Variants in PARD3 observed in about 807,000 individuals in gnomAD.
PARD3 encodes the protein par-3 family cell polarity regulator.
A neutral mutation model predicts 155.4 loss-of-function variants in PARD3; 75 were observed. That is an observed-to-expected ratio of 0.48 (90% CI 0.40 to 0.58). The LOEUF is 0.58. PARD3 is among the 20% of genes least tolerant of loss of function. The pLI, the probability that PARD3 is intolerant of heterozygous loss-of-function variation, is 0.00. For missense variants in PARD3, 1,642 were observed against 1,721.7 expected (o/e 0.95, Z 0.82); for synonymous variants, 576 against 610.5 (o/e 0.94, Z 0.83).
At chr10:34,764,792 C>A (rs1385819545) in intron 1 of PARD3, among the ~76,000 whole-genome samples, 2 of 152,184 alleles carry the variant, frequency 1.3e-5, no homozygotes, top group Non-Finnish European at 2.9e-5. Flanking sequence ...CAAGTTGGCT[C>A]TGAACCACCT....
intron 19 of PARD3, among the ~76,000 whole-genome samples, chr10:34,319,212 C>G (rs1054435476): frequency 5.3e-5 from 8 of 151,860 alleles, no homozygotes; most frequent in African/African-American, 1.7e-4. Context: ...CCTCAGCCCC[C>G]CAAGTAGCTG....
At chr10:34,343,232 CA>C (rs1837026458) in intron 15 of PARD3, 1 of 695,896 alleles carries the variant, frequency 1.4e-6, no homozygotes, top group East Asian at 1.3e-4. Context: ...TATTAAATAC[CA>C]AATACTCACA....
At chr10:34,366,713 A>G (rs948966512) in intron 12 of PARD3, among the ~76,000 whole-genome samples, 1 of 152,164 alleles carries the variant, frequency 6.6e-6, no homozygotes, top group Non-Finnish European at 1.5e-5. Context: ...ACTAAGAGAA[A>G]GATTTTTTAA....
At chr10:34,738,062 C>T (rs2094947245) in intron 1 of PARD3, among the ~76,000 whole-genome samples, 1 of 152,318 alleles carries the variant, frequency 6.6e-6, no homozygotes, top group Admixed American at 6.5e-5. Flanking sequence ...TTACTACAGG[C>T]AATACCCTCG....
chr10:34,525,053 C>G (rs2082384020), intron 2 of PARD3, among the ~76,000 whole-genome samples: 1 of 152,200 alleles, frequency 6.6e-6, no homozygotes, highest in African/African-American at 2.4e-5. Flanking sequence ...CTGAGCCTTA[C>G]TTGCTAGCAT....
intron 3 of PARD3, among the ~76,000 whole-genome samples, chr10:34,488,096 C>T (rs1260363224): frequency 6.6e-6 from 1 of 152,042 alleles, no homozygotes; most frequent in African/African-American, 2.4e-5. Flanking sequence ...ATTTCATTTG[C>T]CAGTTTTCTG....
intron 2 of PARD3, among the ~76,000 whole-genome samples, chr10:34,635,273 G>A (rs1196573082): frequency 6.6e-6 from 1 of 152,206 alleles, no homozygotes; most frequent in Non-Finnish European, 1.5e-5. Context: ...AAAGGCATAG[G>A]ATTTCAAATA....
chr10:34,268,030 G>T (rs1466622220), intron 22 of PARD3, among the ~76,000 whole-genome samples: 1 of 152,156 alleles, frequency 6.6e-6, no homozygotes, highest in Non-Finnish European at 1.5e-5. Context: ...ATGATGAGCT[G>T]AGTGTATCAT....
chr10:34,125,071 C>CTTTTT lies in PARD3; in HGVS notation c.3541-5336_3541-5332dup, dbSNP rs71523316. On this transcript the variant is annotated intron_variant, in intron 23 of 24. Coordinates refer to ENST00000374788, the MANE Select transcript of PARD3 (RefSeq NM_001184785.2). The stretch of plus-strand genomic sequence containing the variant: ...GGCTTATCTCCAGGTCTATTTCTTT[C>CTTTTT]TTTTTTTTTTTTTGAGACGGAGTCT... Among the ~76,000 whole-genome samples the CTTTTT allele has an allele frequency of 3.3e-4, 46 of 140,646 alleles. 1 individual carries two copies. Among genetic ancestry groups the CTTTTT allele is most frequent in the African/African-American group, 1.3e-3 (45 of 35,916 alleles). 92.3% of individuals were successfully genotyped at this position (140,646 alleles called of 152,430 possible).
intron 22 of PARD3, among the ~76,000 whole-genome samples, chr10:34,172,752 A>C (rs534030976): frequency 1.7e-4 from 17 of 99,664 alleles, no homozygotes; most frequent in East Asian, 7.5e-4. Context: ...AAAACAACAA[A>C]AAAAAAAACA....
intron 22 of PARD3, among the ~76,000 whole-genome samples, chr10:34,224,222 T>C (rs986219848): frequency 2.0e-5 from 3 of 152,190 alleles, no homozygotes; most frequent in African/African-American, 7.2e-5. Flanking sequence ...GTTAAGACGA[T>C]CAATATCTGA....
At chr10:34,220,000 G>A (rs1319986841) in intron 22 of PARD3, among the ~76,000 whole-genome samples, 1 of 152,132 alleles carries the variant, frequency 6.6e-6, no homozygotes, top group Non-Finnish European at 1.5e-5. Context: ...TTAGATAAAT[G>A]ACTTGCAAAT....
intron 7 of PARD3, among the ~76,000 whole-genome samples, chr10:34,390,504 C>G (rs1473031611): frequency 1.3e-5 from 2 of 151,244 alleles, no homozygotes; most frequent in Non-Finnish European, 2.9e-5. Context: ...CATATATTTT[C>G]TTATTTAAAC....
At chr10:34,219,326 T>C (rs1182856149) in intron 22 of PARD3, among the ~76,000 whole-genome samples, 1 of 152,166 alleles carries the variant, frequency 6.6e-6, no homozygotes, top group Non-Finnish European at 1.5e-5. Context: ...CAAACTCCAT[T>C]AGCAGAAAGA....
chr10:34,405,401 G>T (rs1347974448), intron 5 of PARD3, among the ~76,000 whole-genome samples: 1 of 151,888 alleles, frequency 6.6e-6, no homozygotes, highest in African/African-American at 2.4e-5. Context: ...TTACCCACTC[G>T]ATCAAATAAA....
rs75879646 is a variant in PARD3, at chr10:34,674,470, C to T, written c.222+21848G>A. On this transcript the variant is annotated intron_variant, in intron 2 of 24. Transcript: ENST00000374788. ...CAGCTGTTTTCTTCTACCACCTGCACGCTCTTGATTTTTTTTTTTTTTTTT... is the reference window on the plus strand; with the variant it reads ...CAGCTGTTTTCTTCTACCACCTGCATGCTCTTGATTTTTTTTTTTTTTTTT... Among the ~76,000 whole-genome samples the T allele has an allele frequency of 6.1e-3, 880 of 145,128 alleles. 12 individuals are homozygous for T. Among genetic ancestry groups the T allele is most frequent in the African/African-American group, 0.022 (846 of 39,320 alleles).
At chr10:34,385,082 C>G (rs1443743073) in intron 7 of PARD3, among the ~76,000 whole-genome samples, 1 of 152,156 alleles carries the variant, frequency 6.6e-6, no homozygotes, top group Non-Finnish European at 1.5e-5. Flanking sequence ...ACAGTATAAG[C>G]AACAGGGGTC....
intron 2 of PARD3, among the ~76,000 whole-genome samples, chr10:34,573,674 T>C (rs2086619319): frequency 6.6e-6 from 1 of 151,396 alleles, no homozygotes; most frequent in African/African-American, 2.4e-5. Flanking sequence ...GCCACTGCAC[T>C]CCAGCCTGGG....
chr10:34,529,044 A>G (rs926087270), intron 2 of PARD3, among the ~76,000 whole-genome samples: 11 of 152,214 alleles, frequency 7.2e-5, no homozygotes, highest in African/African-American at 2.7e-4. Flanking sequence ...AAGGACAAAC[A>G]AAAACAAAAG....
Sources: allele counts gnomAD v4.1 joint callset (sites outside exome capture counted in the v4.1 genomes callset), GRCh38; gene constraint gnomAD v4.1.1; transcripts MANE v1.5; gene names NCBI Gene and HGNC (gene_info 2026-07-23, HGNC 2026-07-21).